PC: variants seen among roughly 807,000 people sequenced by gnomAD.
The protein encoded by PC is pyruvate carboxylase.
PC carries 46 observed loss-of-function variants against 107.8 expected under a neutral mutation model. The observed-to-expected ratio is 0.43, with a 90% confidence interval of 0.34 to 0.55. PC has a LOEUF of 0.55. Ranked by LOEUF, PC falls within the 20% of genes least tolerant of loss-of-function variation. The pLI, the probability that PC is intolerant of heterozygous loss-of-function variation, is 0.04. For synonymous variants in PC, 662 were observed against 684.7 expected (o/e 0.97, Z 0.52); for missense variants, 1,241 against 1,643.1 (o/e 0.76, Z 4.23).
chr11:66,872,308 G>A, intron 3 of PC, 149 bp from the exon 4 acceptor site: 1 of 956,124 alleles, frequency 1.0e-6, no homozygotes, highest in Admixed American at 2.0e-5. Flanking sequence ...AACATTTCCT[G>A]GCTCTAGAGA....
chr11:66,887,083 T>A (rs1205455581), intron 3 of PC, among the ~76,000 whole-genome samples: 1 of 152,216 alleles, frequency 6.6e-6, no homozygotes, highest in African/African-American at 2.4e-5. Flanking sequence ...GAGTGCTTAC[T>A]GGGCTCTTTT....
At position 66,848,814 on chromosome 11, in the gene PC, G is replaced by T; in HGVS notation, c.*85C>A. 2 of 1,580,342 alleles carry T rather than the reference G, an allele frequency of 1.3e-6. No individual in the cohort carries two copies. Among genetic ancestry groups the T allele is most frequent in the East Asian group, 2.2e-5 (1 of 44,632 alleles). On this transcript the variant is annotated 3_prime_UTR_variant, in exon 23 of 23. Coordinates refer to ENST00000393960, the MANE Select transcript of PC (RefSeq NM_001040716.2). The stretch of plus-strand genomic sequence containing the variant: ...TCCACGGCCCGGCCTTCCTGGCCTC[G>T]GGCACTGGCTGGCCTGGGCCTGCCG...
Position 66,873,939 on chromosome 11 carries a change from GTTT to G in PC, c.1-1783_1-1781del, listed in dbSNP as rs1011549577. The stretch of plus-strand genomic sequence containing the variant: ...TGCACCACCATGCCTGGCTAATTTT[GTTT>G]TTGTTTTGTTTCTTTTCTTTTTTCT... On this transcript the variant is annotated intron_variant, in intron 3 of 22. Transcript: ENST00000393960. Among the ~76,000 whole-genome samples, 12 of 149,246 alleles carry G rather than the reference GTTT, an allele frequency of 8.0e-5. 1 individual carries two copies. The highest frequency in any genetic ancestry group is 2.7e-4 in the African/African-American group (11 of 40,522).
intron 12 of PC, chr11:66,860,197 G>A (rs2135881414): frequency 6.5e-7 from 1 of 1,543,758 alleles, no homozygotes; most frequent in Non-Finnish European, 8.7e-7. Flanking sequence ...GTGGTGTGAT[G>A]GACGGGCAGC....
chr11:66,855,257 A>G (rs1945734051), intron 12 of PC, among the ~76,000 whole-genome samples: 1 of 152,188 alleles, frequency 6.6e-6, no homozygotes, highest in African/African-American at 2.4e-5. Flanking sequence ...CTGGTTCCTG[A>G]TGAACCCGGC....
chr11:66,896,802 C>T (rs1239283686), intron 3 of PC, among the ~76,000 whole-genome samples: 1 of 152,226 alleles, frequency 6.6e-6, no homozygotes, highest in Non-Finnish European at 1.5e-5. Flanking sequence ...TGAGAAGCGT[C>T]CGCCTATATA....
At chr11:66,860,038 G>A (rs749094244) in intron 12 of PC, 1 of 1,580,326 alleles carries the variant, frequency 6.3e-7, no homozygotes, top group Non-Finnish European at 8.6e-7. Context: ...CAGCGCAGCT[G>A]CTCTCTGGAC....
rs540867560 is a variant in PC, at chr11:66,939,820, A to C, written c.-1+12610T>G. ...ACTCCGTCTCAAAAAAAAAAAAAAA[A>C]AAAAAACCAAAAACAAGAAAAAACA... On this transcript the variant is annotated intron_variant, in intron 3 of 22. Transcript: ENST00000393960. Among the ~76,000 whole-genome samples the C allele has an allele frequency of 2.1e-4, 31 of 150,450 alleles. No individual in the cohort carries two copies. In the South Asian group the frequency reaches 5.6e-3, roughly 27 times the overall value.
chr11:66,850,248 G>T lies in PC; in HGVS notation c.2690C>A (p.Ala897Asp). ...GATGAGATCGCCCAGCATCTGGTTG[G>T]CCTCCACATAGGCCTTCTTGACCTC... The part of the protein sequence containing the change: ...FKEVKKAYVE[A>D]NQMLGDLIKV... Residue 897 changes from alanine to aspartate, a missense_variant, in exon 19 of 23, where the codon GCC becomes GAC. By Grantham distance (126) the Ala-to-Asp change is moderately radical. Transcript: ENST00000393960. The T allele has an allele frequency of 6.2e-7, 1 of 1,614,060 alleles. No homozygotes were observed. The highest frequency in any genetic ancestry group is 8.5e-7 in the Non-Finnish European group (1 of 1,180,018).
Position 66,871,276 on chromosome 11 carries a change from G to A in PC, c.487+39C>T. 6.2e-7 allele frequency: 1 copy of A among 1,614,076 alleles called. No individual in the cohort carries two copies. Among genetic ancestry groups the A allele is most frequent in the Non-Finnish European group, 8.5e-7 (1 of 1,180,028 alleles). On this transcript the variant is annotated intron_variant, in intron 6 of 22. Transcript: ENST00000393960. This position sits in a 1 kb window ranked among gnomAD's most constrained non-coding sequence, Gnocchi z 7.4. ...CCCCTCCCTGCTGGACCCTCTCCAG[G>A]AGCTGCGGGGCCACCCCTTGCTTGC...
intron 3 of PC, among the ~76,000 whole-genome samples, chr11:66,889,794 C>T (rs749627175): frequency 4.6e-5 from 7 of 152,196 alleles, no homozygotes; most frequent in Non-Finnish European, 7.3e-5. Context: ...GTCCTTTTCT[C>T]CTTTTCTCCC....
At position 66,927,862 on chromosome 11, in the gene PC, G is replaced by A. The variant is rs371221121; in HGVS notation, c.-1+24568C>T. 1.6e-4 allele frequency among the ~76,000 whole-genome samples: 24 copies of A among 152,246 alleles called. 1 individual carries two copies. In the East Asian group the frequency reaches 4.0e-3, roughly 26 times the overall value. ...CTGGAGACTAGATCATGGGAAACAA[G>A]AAAGGTTTGTCGAATTGGGACTAAG... On this transcript the variant is annotated intron_variant, in intron 3 of 22. Coordinates refer to ENST00000393960, the MANE Select transcript of PC (RefSeq NM_001040716.2).
rs777341660 is a variant in PC, at chr11:66,858,677, C to T, written c.1368+5097G>A. On this transcript the variant is annotated intron_variant, in intron 12 of 22. Coordinates refer to ENST00000393960, the MANE Select transcript of PC (RefSeq NM_001040716.2). The surrounding 1 kb of genome is among the most constrained non-coding windows in gnomAD (Gnocchi z 5.9). Reference sequence around the variant, plus strand: ...GGGCCCTGGGTGACCCCGCGCCTACCATGCACTGGGTCGGTCCTGACGACC... The same window carrying T: ...GGGCCCTGGGTGACCCCGCGCCTACTATGCACTGGGTCGGTCCTGACGACC... 2 of 1,546,548 alleles carry T rather than the reference C, an allele frequency of 1.3e-6. No homozygotes were observed. Among genetic ancestry groups the T allele is most frequent in the African/African-American group, 1.4e-5 (1 of 73,348 alleles).
At chr11:66,941,774 G>T (rs913312542) in intron 3 of PC, among the ~76,000 whole-genome samples, 3 of 151,982 alleles carry the variant, frequency 2.0e-5, no homozygotes, top group African/African-American at 7.2e-5. Flanking sequence ...TTACAGGTGT[G>T]AGCCATCATG....
chr11:66,937,016 T>C (rs966617578), intron 3 of PC, among the ~76,000 whole-genome samples: 2 of 152,092 alleles, frequency 1.3e-5, no homozygotes, highest in African/African-American at 4.8e-5. Flanking sequence ...CTAATTTTTG[T>C]ATTTTTGGTA....
At chr11:66,902,984 C>A (rs2136048295) in intron 3 of PC, among the ~76,000 whole-genome samples, 1 of 152,370 alleles carries the variant, frequency 6.6e-6, no homozygotes, top group Middle Eastern at 3.4e-3. Flanking sequence ...TACACCACCG[C>A]AGCCCATCCA....
At chr11:66,909,577 C>A (rs1002479518) in intron 3 of PC, among the ~76,000 whole-genome samples, 1 of 152,210 alleles carries the variant, frequency 6.6e-6, no homozygotes, top group African/African-American at 2.4e-5. Context: ...TGGTCCAGCG[C>A]AGCCTGCCTG....
At chr11:66,873,036 G>GAA (rs1190339667) in intron 3 of PC, among the ~76,000 whole-genome samples, 1 of 130,026 alleles carries the variant, frequency 7.7e-6, no homozygotes, top group Non-Finnish European at 1.6e-5. Flanking sequence ...TCTGTCCCAG[G>GAA]AAAAAAAAAA....
At position 66,870,993 on chromosome 11, in the gene PC, CCCCTGCCCCCACGGCAGGCTG is replaced by C. The variant is rs1213292231; in HGVS notation, c.633+38_633+58del. On this transcript the variant is annotated intron_variant, in intron 7 of 22. Transcript: ENST00000393960. This position sits in a 1 kb window ranked among gnomAD's most constrained non-coding sequence, Gnocchi z 6.1. Reference sequence around the variant, plus strand: ...CTTTCCAGATCCCTTGAGTGGTCCGCCCCTGCCCCCACGGCAGGCTGCCCTGCCCTGCTCCCAGCCCTGGGC... The same window carrying C: ...CTTTCCAGATCCCTTGAGTGGTCCGCCCCTGCCCTGCTCCCAGCCCTGGGC... The C allele has an allele frequency of 3.1e-6, 5 of 1,610,376 alleles. No homozygotes were observed. Among genetic ancestry groups the C allele is most frequent in the Admixed American group, 1.7e-5 (1 of 60,002 alleles).
Sources: gnomAD v4.1 joint callset for allele counts (sites outside exome capture counted in the v4.1 genomes callset) on GRCh38, gnomAD v4.1.1 for gene constraint, Gnocchi (gnomAD v3.1) non-coding constraint, MANE v1.5 for transcripts, NCBI Gene and HGNC (gene_info 2026-07-23, HGNC 2026-07-21) for gene names.